The following SESN1 variants were observed in gnomAD, a reference collection of about 807,000 sequenced individuals.
SESN1 encodes the protein sestrin 1, also known as sestrin-1.
In SESN1, 30 loss-of-function variants were observed where a neutral mutation model predicts 59.3. The ratio of observed to expected loss-of-function variants is 0.51; its 90% CI spans 0.38 to 0.69. The LOEUF (loss-of-function observed/expected upper bound fraction) is 0.69, where lower values mean the gene tolerates loss of function less well. Ranked by LOEUF, SESN1 falls within the 30% of genes least tolerant of loss-of-function variation. The probability of loss-of-function intolerance (pLI) is 0.00; values close to 1 mark genes in which losing one functional copy is unlikely to be tolerated. For synonymous variants in SESN1, 197 were observed against 219.9 expected, an observed-to-expected ratio of 0.90 and a Z score of 0.92; for missense variants, 566 against 673.0, an observed-to-expected ratio of 0.84 and a Z score of 1.76.
intron 1 of SESN1, among the ~76,000 whole-genome samples, chr6:109,058,725 C>T (rs1483671613): frequency 6.6e-6 from 1 of 152,044 alleles, no homozygotes; most frequent in Non-Finnish European, 1.5e-5. Context: ...AGCAATGCAG[C>T]CCCAGAAGAG....
Position 108,990,894 on chromosome 6 carries a change from A to G in SESN1, c.1234-59T>C, listed in dbSNP as rs1442708157. ...TGTGGTCAAGTACAGTTCTATATCT[A>G]TAGCTCTGTAGCATGGTAAAAATCA... On this transcript the variant is annotated intron_variant, in intron 7 of 9. Transcript: ENST00000436639. The G allele has an allele frequency of 4.2e-6, 6 of 1,421,556 alleles. No homozygotes were observed. The Admixed American group carries it at 5.5e-5, about 13-fold the overall frequency. The allele number at this position is 1,421,556 out of a possible 1,614,324, so 88.1% of individuals were successfully genotyped here. A position where few individuals can be genotyped will look rare whatever the true frequency, so the allele number is the denominator to read the frequency against.
intron 1 of SESN1, among the ~76,000 whole-genome samples, chr6:109,043,854 T>C (rs1172834353): frequency 6.6e-6 from 1 of 152,148 alleles, no homozygotes. Context: ...AAATTTTATA[T>C]GGAAAGGCAA....
chr6:109,021,229 C>T (rs1047306405), intron 1 of SESN1, among the ~76,000 whole-genome samples: 3 of 152,048 alleles, frequency 2.0e-5, no homozygotes, highest in Admixed American at 6.6e-5. Context: ...AGTGAACTCC[C>T]GCCTCAGCCT....
intron 7 of SESN1, 121 bp downstream of exon 7, chr6:108,992,666 C>T (rs1779410466): frequency 2.9e-6 from 2 of 690,022 alleles, no homozygotes; most frequent in South Asian, 3.3e-5. Flanking sequence ...TATTCTGAAA[C>T]AAGACGAGAT....
Position 109,008,621 on chromosome 6 carries a change from ACT to A in SESN1, c.280-6280_280-6279del, listed in dbSNP as rs1184181491. The A allele has an allele frequency of 3.0e-5, 6 of 199,616 alleles. No homozygotes were observed. In the East Asian group the frequency reaches 5.6e-4, roughly 19 times the overall value. 12.4% of individuals were successfully genotyped at this position (199,616 alleles called of 1,614,324 possible). A position where few individuals can be genotyped will look rare whatever the true frequency, so the allele number is the denominator to read the frequency against. On this transcript the variant is annotated intron_variant, in intron 1 of 9. Transcript: ENST00000436639. ...TTTAGATTTCTTGAACTAAGGCAACACTCTGACAGCACCTGATTTCAATCCAA... is the reference window on the plus strand; with the variant it reads ...TTTAGATTTCTTGAACTAAGGCAACACTGACAGCACCTGATTTCAATCCAA...
chr6:109,000,165 G>C (rs563094227), intron 4 of SESN1: 1 of 172,168 alleles, frequency 5.8e-6, no homozygotes, highest in South Asian at 2.0e-4. Context: ...GGGATGAACA[G>C]GTGGAACCCA....
At position 109,001,324 on chromosome 6, in the gene SESN1, C is replaced by T. The variant is rs749467712; in HGVS notation, c.510G>A (p.Pro170=). The T allele has an allele frequency of 6.8e-6, 11 of 1,613,636 alleles. No homozygotes were observed. Among genetic ancestry groups the T allele is most frequent in the East Asian group, 2.2e-5 (1 of 44,884 alleles). ...TQHYLLQMDG[P]LPLHYRHYIG... ...TGTAGTGACGATAATGTAGGGGTAACGGCCCATCCATTTGCAGTAGATAGT... is the reference window on the plus strand; with the variant it reads ...TGTAGTGACGATAATGTAGGGGTAATGGCCCATCCATTTGCAGTAGATAGT... Residue 170 remains proline, a synonymous_variant, in exon 3 of 10, where the codon CCG becomes CCA. Transcript: ENST00000436639.
Position 108,984,721 on chromosome 6 carries a change from A to G in SESN1, c.*2823T>C. On this transcript the variant is annotated 3_prime_UTR_variant, in exon 10 of 10. Transcript: ENST00000436639. Reference sequence around the variant, plus strand: ...TTTTTGGATCATTCATTGTTAGTGTATAGAAATACAACTGATTTTTGTGTG... The same window carrying G: ...TTTTTGGATCATTCATTGTTAGTGTGTAGAAATACAACTGATTTTTGTGTG... Among the ~76,000 whole-genome samples the G allele has an allele frequency of 6.6e-6, 1 of 152,222 alleles. No individual in the cohort carries two copies. The highest frequency in any genetic ancestry group is 1.9e-4 in the East Asian group (1 of 5,206).
At chr6:109,046,242 C>T (rs1324055383) in intron 1 of SESN1, among the ~76,000 whole-genome samples, 2 of 150,632 alleles carry the variant, frequency 1.3e-5, no homozygotes, top group Non-Finnish European at 3.0e-5. Flanking sequence ...TGCAGGCACG[C>T]GCCGCCACGC....
intron 1 of SESN1, among the ~76,000 whole-genome samples, chr6:109,067,892 C>G (rs568903466): frequency 2.0e-5 from 3 of 152,214 alleles, no homozygotes; most frequent in Non-Finnish European, 4.4e-5. Flanking sequence ...TGGACTGTAT[C>G]ATTACGGTAC....
rs1223065265 is a variant in SESN1 at position 108,993,875 on chromosome 6, C to CA, written c.1120+586dup. ...TACTACAGGTACAAACTGCCGTGCCCAAAAAAATCACAGAATTTTAACTCT... is the reference window on the plus strand; with the variant it reads ...TACTACAGGTACAAACTGCCGTGCCCAAAAAAAATCACAGAATTTTAACTCT... On this transcript the variant is annotated intron_variant, in intron 6 of 9. Transcript: ENST00000436639. 3.3e-5 allele frequency among the ~76,000 whole-genome samples: 5 copies of CA among 151,502 alleles called. No homozygotes were observed. The South Asian group carries it at 6.3e-4, about 19-fold the overall frequency.
chr6:109,083,646 A>C (rs1328787537), intron 1 of SESN1, among the ~76,000 whole-genome samples: 2 of 152,236 alleles, frequency 1.3e-5, no homozygotes, highest in Non-Finnish European at 2.9e-5. Context: ...GATACATCTT[A>C]ATTTGAGGTA....
Position 108,998,660 on chromosome 6 carries a change from T to C in SESN1, c.825A>G (p.Thr275=), listed in dbSNP as rs1779550312. 1.2e-6 allele frequency: 2 copies of C among 1,613,906 alleles called. No homozygotes were observed. Among genetic ancestry groups the C allele is most frequent in the Non-Finnish European group, 1.7e-6 (2 of 1,179,850 alleles). Residue 275 remains threonine (T), a synonymous_variant, in exon 5 of 10, where the codon ACA becomes ACG. Transcript: ENST00000436639. ...LTHYHSLASF[T]FGCGISPEIH... ...TTTCTGGACTGATTCCACAGCCGAA[T>C]GTGAATGAGGCAAGAGAATGATAGT...
rs1781392953 is a variant in SESN1, at chr6:109,093,809, G to C, written c.265C>G (p.Leu89Val). ...CTCTTCCTTACCTGGATGCTCTTCA[G>C]AATAAACTCACTTTTCTCTCTCACA... ...KDVREKSEFI[L>V]KSIQELGIRI... Residue 89 changes from leucine to valine, a missense_variant, in exon 1 of 10, where the codon CTG becomes GTG. By Grantham distance (32) the Leu-to-Val change is conservative. Coordinates refer to ENST00000436639, the MANE Select transcript of SESN1 (RefSeq NM_014454.3). 1 of 1,613,852 alleles carries C rather than the reference G, an allele frequency of 6.2e-7. No homozygotes were observed. The highest frequency in any genetic ancestry group is 2.2e-5 in the East Asian group (1 of 44,862).
intron 5 of SESN1, among the ~76,000 whole-genome samples, chr6:108,995,103 G>A (rs950339040): frequency 6.6e-6 from 1 of 152,104 alleles, no homozygotes; most frequent in African/African-American, 2.4e-5. Context: ...ATACAGACAT[G>A]CAGATTTTAA....
chr6:109,037,471 T>G (rs1780267465), intron 1 of SESN1, among the ~76,000 whole-genome samples: 1 of 152,120 alleles, frequency 6.6e-6, no homozygotes, highest in South Asian at 2.1e-4. Flanking sequence ...ATGTTAAAAT[T>G]CCCTCCATTA....
At chr6:108,990,615 TC>T in intron 8 of SESN1, 29 bp downstream of exon 8, 1 of 1,606,716 alleles carries the variant, frequency 6.2e-7, no homozygotes, top group Non-Finnish European at 8.5e-7. Context: ...GAGGAAAACA[TC>T]TCTTTATAAA....
At chr6:109,003,753 T>C (rs1469787799) in intron 1 of SESN1, among the ~76,000 whole-genome samples, 1 of 152,190 alleles carries the variant, frequency 6.6e-6, no homozygotes, top group Non-Finnish European at 1.5e-5. Flanking sequence ...ATCCCTGTTA[T>C]TCAATATATA....
At chr6:109,049,058 A>T (rs968156391) in intron 1 of SESN1, among the ~76,000 whole-genome samples, 3 of 152,232 alleles carry the variant, frequency 2.0e-5, no homozygotes, top group African/African-American at 7.2e-5. Context: ...GAACATGTGT[A>T]TGAATAAATG....
Sources: allele counts gnomAD v4.1 joint callset (sites outside exome capture counted in the v4.1 genomes callset), GRCh38; gene constraint gnomAD v4.1.1; transcripts MANE v1.5; gene names NCBI Gene and HGNC (gene_info 2026-07-23, HGNC 2026-07-21).